TMOD3: variants seen among roughly 807,000 people sequenced by gnomAD.
The protein encoded by TMOD3 is tropomodulin 3.
In TMOD3, 20 loss-of-function variants were observed where a neutral mutation model predicts 39.2. The ratio of observed to expected loss-of-function variants is 0.51; its 90% confidence interval spans 0.36 to 0.74. The LOEUF is 0.74. Ranked by LOEUF, TMOD3 falls within the 30% of genes least tolerant of loss-of-function variation. TMOD3 has a pLI of 0.00. For missense variants in TMOD3, 381 were observed against 412.8 expected, an observed-to-expected ratio of 0.92 and a Z score of 0.67; for synonymous variants, 143 against 145.8, an observed-to-expected ratio of 0.98 and a Z score of 0.14.
At chr15:51,887,543 G>A (rs963884465) in intron 3 of TMOD3, 46 bp from the exon 4 acceptor site, 1 of 1,590,138 alleles carries the variant, frequency 6.3e-7, no homozygotes, top group Non-Finnish European at 8.6e-7. Flanking sequence ...ATGGTAATGA[G>A]TTGATAGCAG....
chr15:51,889,702 AAAAAATTTT>A (rs2141701191), intron 5 of TMOD3, among the ~76,000 whole-genome samples: 1 of 152,152 alleles, frequency 6.6e-6, no homozygotes, highest in South Asian at 2.1e-4. Context: ...CCCCATCTCT[AAAAAATTTT>A]AAAAATTAGC....
At position 51,910,114 on chromosome 15, in the gene TMOD3, C is replaced by T. The variant is rs1425859391; in HGVS notation, c.*1304C>T. 2.6e-5 allele frequency: 4 copies of T among 152,230 alleles called. No homozygotes were observed. The highest frequency in any genetic ancestry group is 9.7e-5 in the African/African-American group (4 of 41,418). The allele number at this position is 152,230 out of a possible 1,614,324, so 9.4% of individuals were successfully genotyped here. A position where few individuals can be genotyped will look rare whatever the true frequency, so the allele number is the denominator to read the frequency against. The stretch of plus-strand genomic sequence containing the variant: ...TTCTGTCTCAGGGCAGCCCCTGGAG[C>T]AGGAGATGGCAGAGGCATTTACAGC... On this transcript the variant is annotated 3_prime_UTR_variant, in exon 10 of 10. Coordinates refer to ENST00000308580, the MANE Select transcript of TMOD3 (RefSeq NM_014547.5).
At chr15:51,870,209 G>T (rs547637426) in intron 3 of TMOD3, among the ~76,000 whole-genome samples, 1 of 152,118 alleles carries the variant, frequency 6.6e-6, no homozygotes, top group African/African-American at 2.4e-5. Context: ...AAAGTGCTGG[G>T]ATTACAGGCA....
chr15:51,830,408 T>G (rs2056248797), intron 1 of TMOD3, among the ~76,000 whole-genome samples: 1 of 152,222 alleles, frequency 6.6e-6, no homozygotes, highest in African/African-American at 2.4e-5. Flanking sequence ...TGTGTTAGTT[T>G]GTTTTGAGGA....
chr15:51,881,365 A>G (rs1369288419), intron 3 of TMOD3, among the ~76,000 whole-genome samples: 2 of 152,090 alleles, frequency 1.3e-5, no homozygotes, highest in Admixed American at 6.5e-5. Flanking sequence ...ATATGGCTCA[A>G]AAATGTTTCT....
chr15:51,904,992 T>C (rs1367737401), intron 9 of TMOD3, among the ~76,000 whole-genome samples: 2 of 152,196 alleles, frequency 1.3e-5, no homozygotes, highest in African/African-American at 4.8e-5. Context: ...CCAAACTAGA[T>C]TTTCAAACGT....
At chr15:51,872,752 C>G (rs2056482120) in intron 3 of TMOD3, among the ~76,000 whole-genome samples, 1 of 151,946 alleles carries the variant, frequency 6.6e-6, no homozygotes, top group Non-Finnish European at 1.5e-5. Context: ...GGCACATGCC[C>G]CCACACCCAC....
chr15:51,854,819 A>C (rs571726928), intron 1 of TMOD3, among the ~76,000 whole-genome samples: 41 of 152,362 alleles, frequency 2.7e-4, no homozygotes, highest in Non-Finnish European at 5.1e-4. Context: ...AGGATCTAGA[A>C]TATGGCTATT....
chr15:51,831,747 C>CTT (rs140654829), intron 1 of TMOD3, among the ~76,000 whole-genome samples: 1 of 150,802 alleles, frequency 6.6e-6, no homozygotes, highest in Middle Eastern at 3.4e-3. Context: ...TTTCTCTTTG[C>CTT]TTTTTTTTTC....
intron 1 of TMOD3, among the ~76,000 whole-genome samples, chr15:51,849,954 TGAG>T (rs2056353228): frequency 6.8e-6 from 1 of 147,044 alleles, no homozygotes; most frequent in African/African-American, 2.5e-5. Flanking sequence ...AAAAAAAAGA[TGAG>T]GACTGAAAAT....
intron 1 of TMOD3, among the ~76,000 whole-genome samples, chr15:51,855,829 T>G (rs1318078094): frequency 4.6e-5 from 7 of 152,214 alleles, no homozygotes. Context: ...AGAACTTCCC[T>G]TCCTAAGCAG....
intron 1 of TMOD3, among the ~76,000 whole-genome samples, chr15:51,836,154 A>C (rs757289868): frequency 2.6e-5 from 4 of 152,184 alleles, no homozygotes. Flanking sequence ...TATAATTCGC[A>C]CACCATACAA....
intron 7 of TMOD3, among the ~76,000 whole-genome samples, chr15:51,897,814 A>C (rs1336896175): frequency 2.6e-5 from 4 of 151,194 alleles, no homozygotes; most frequent in African/African-American, 9.7e-5. Context: ...AACTAATGGA[A>C]TCATTCTCGA....
intron 9 of TMOD3, among the ~76,000 whole-genome samples, chr15:51,905,468 C>A (rs1372496932): frequency 1.3e-5 from 2 of 148,668 alleles, no homozygotes; most frequent in Non-Finnish European, 3.0e-5. Flanking sequence ...GCCTGGGCTA[C>A]AGAGTGAGAC....
rs536373007 is a variant in TMOD3 at position 51,883,219 on chromosome 15, T to G, written c.284-4370T>G. 4.6e-5 allele frequency among the ~76,000 whole-genome samples: 7 copies of G among 152,224 alleles called. No individual in the cohort carries two copies. In the East Asian group the frequency reaches 1.4e-3, roughly 29 times the overall value. On this transcript the variant is annotated intron_variant, in intron 3 of 9. Coordinates refer to ENST00000308580, the MANE Select transcript of TMOD3 (RefSeq NM_014547.5). The stretch of plus-strand genomic sequence containing the variant: ...GCAAAATTCTATATGACAGAAAAAT[T>G]TTTCTAGGTCCTTGGGAGTTTTGTT...
At chr15:51,883,812 T>C (rs2056546722) in intron 3 of TMOD3, among the ~76,000 whole-genome samples, 1 of 152,192 alleles carries the variant, frequency 6.6e-6, no homozygotes, top group African/African-American at 2.4e-5. Flanking sequence ...ACTACTGCCA[T>C]ACACAGTTGA....
At chr15:51,869,077 T>C (rs1384621873) in intron 2 of TMOD3, 140 bp from the exon 3 acceptor site, 1 of 800,010 alleles carries the variant, frequency 1.2e-6, no homozygotes, top group African/African-American at 1.8e-5. Flanking sequence ...TGTACATTGC[T>C]GTCCTAAAAT....
At chr15:51,841,926 C>T (rs563507220) in intron 1 of TMOD3, among the ~76,000 whole-genome samples, 8 of 152,004 alleles carry the variant, frequency 5.3e-5, no homozygotes, top group African/African-American at 1.2e-4. Flanking sequence ...TGGGCCACCA[C>T]GCCTGGCTAA....
chr15:51,845,981 A>C (rs1200865023), intron 1 of TMOD3, among the ~76,000 whole-genome samples: 1 of 152,084 alleles, frequency 6.6e-6, no homozygotes, highest in Admixed American at 6.6e-5. Flanking sequence ...AACTTTTAAA[A>C]ATCTATTTTT....
Sources: allele counts gnomAD v4.1 joint callset (sites outside exome capture counted in the v4.1 genomes callset), GRCh38; gene constraint gnomAD v4.1.1; transcripts MANE v1.5; gene names NCBI Gene and HGNC (gene_info 2026-07-23, HGNC 2026-07-21).